SYT9: variants seen among roughly 807,000 people sequenced by gnomAD.
SYT9 encodes the protein synaptotagmin-9.
SYT9 carries 22 observed loss-of-function variants against 48.4 expected under a neutral mutation model. The ratio of observed to expected loss-of-function variants is 0.45; its 90% CI spans 0.32 to 0.65. The LOEUF is 0.65. Ranked by LOEUF, SYT9 falls within the 30% of genes least tolerant of loss-of-function variation. The pLI is 0.03. For synonymous variants in SYT9, 265 were observed against 245.0 expected (o/e 1.08, Z -0.76); for missense variants, 577 against 622.0 (o/e 0.93, Z 0.77).
At chr11:7,276,017 A>G (rs575612304) in intron 1 of SYT9, among the ~76,000 whole-genome samples, 2 of 152,192 alleles carry the variant, frequency 1.3e-5, no homozygotes, top group East Asian at 1.9e-4. Flanking sequence ...CTTGTTCACT[A>G]TTATGTTTGA....
chr11:7,385,628 C>A (rs527957710), intron 3 of SYT9, among the ~76,000 whole-genome samples: 2 of 152,032 alleles, frequency 1.3e-5, no homozygotes, highest in Admixed American at 6.6e-5. Flanking sequence ...AACAAACCTG[C>A]ACATGTACCC....
intron 3 of SYT9, among the ~76,000 whole-genome samples, chr11:7,405,209 A>G (rs1348460621): frequency 2.0e-5 from 3 of 152,146 alleles, no homozygotes; most frequent in Non-Finnish European, 4.4e-5. Flanking sequence ...GAGTTCCTCA[A>G]CCTTAGCACT....
intron 1 of SYT9, among the ~76,000 whole-genome samples, chr11:7,288,481 T>C (rs1249314629): frequency 1.3e-5 from 2 of 152,220 alleles, no homozygotes; most frequent in African/African-American, 2.4e-5. Flanking sequence ...CCTGATACAT[T>C]AGCACTGGAT....
intron 1 of SYT9, among the ~76,000 whole-genome samples, chr11:7,295,128 T>C (rs1848774333): frequency 6.6e-6 from 1 of 152,264 alleles, no homozygotes; most frequent in Non-Finnish European, 1.5e-5. Flanking sequence ...GTGGATAGAC[T>C]GAGAATTTTC....
chr11:7,243,321 G>A (rs1847758309), intron 1 of SYT9, among the ~76,000 whole-genome samples: 1 of 152,114 alleles, frequency 6.6e-6, no homozygotes, highest in South Asian at 2.1e-4. Flanking sequence ...TAATTGATTG[G>A]TTTTTGATTA....
intron 3 of SYT9, among the ~76,000 whole-genome samples, chr11:7,328,759 A>T (rs888462487): frequency 6.6e-6 from 1 of 152,010 alleles, no homozygotes; most frequent in Admixed American, 6.6e-5. Context: ...TTTTTGAGAA[A>T]TTCCTTCAGT....
chr11:7,383,690 A>C (rs1239468839), intron 3 of SYT9, among the ~76,000 whole-genome samples: 1 of 152,190 alleles, frequency 6.6e-6, no homozygotes, highest in Non-Finnish European at 1.5e-5. Context: ...CTTTTTATCA[A>C]CCTTATGCTG....
chr11:7,369,771 TAC>T (rs1850323266), intron 3 of SYT9, among the ~76,000 whole-genome samples: 1 of 113,508 alleles, frequency 8.8e-6, no homozygotes, highest in African/African-American at 3.5e-5. Context: ...TATTTCTACA[TAC>T]ACACCACACA....
chr11:7,296,628 G>A (rs764962779), intron 1 of SYT9, among the ~76,000 whole-genome samples: 26 of 152,162 alleles, frequency 1.7e-4, no homozygotes, highest in Non-Finnish European at 2.6e-4. Flanking sequence ...TTTTAGAGAA[G>A]TTTTAGTTTC....
chr11:7,393,623 G>A (rs1445278711), intron 3 of SYT9, among the ~76,000 whole-genome samples: 6 of 151,976 alleles, frequency 3.9e-5, no homozygotes, highest in African/African-American at 1.2e-4. Context: ...TTTCTAGAAT[G>A]AGCCTCCTTC....
At chr11:7,298,961 G>T (rs143678598) in intron 1 of SYT9, among the ~76,000 whole-genome samples, 373 of 152,206 alleles carry the variant, frequency 2.5e-3, no homozygotes, top group African/African-American at 8.2e-3. Flanking sequence ...GAACTGGTTT[G>T]CCATTTGCCT....
intron 3 of SYT9, among the ~76,000 whole-genome samples, chr11:7,376,383 T>C (rs955568406): frequency 1.4e-5 from 2 of 142,446 alleles, no homozygotes; most frequent in Non-Finnish European, 3.0e-5. Flanking sequence ...TCCCCTCCCC[T>C]CTCCTCTCCT....
chr11:7,458,262 C>T (rs965718162), intron 6 of SYT9, among the ~76,000 whole-genome samples: 6 of 152,310 alleles, frequency 3.9e-5, no homozygotes, highest in African/African-American at 1.4e-4. Context: ...GGGCGGATCA[C>T]CTGAGGTCAG....
chr11:7,464,271 AT>A (rs751056564), intron 6 of SYT9, among the ~76,000 whole-genome samples: 36 of 152,236 alleles, frequency 2.4e-4, no homozygotes, highest in Admixed American at 4.6e-4. Context: ...CACCTGCTGT[AT>A]GCTACTAGTT....
chr11:7,468,263 T>C lies in SYT9; in HGVS notation c.*1463T>C, dbSNP rs1564914412. 3 of 398,680 alleles carry C rather than the reference T, an allele frequency of 7.5e-6. No homozygotes were observed. Among genetic ancestry groups the C allele is most frequent in the Non-Finnish European group, 1.3e-5 (3 of 226,074 alleles). The allele number at this position is 398,680 out of a possible 1,614,324, so 24.7% of individuals were successfully genotyped here. ...TAACTGGGCGGAGGAAGGATCGTTA[T>C]ACGTCTTCAGAAAGTTCTCATTGCC... On this transcript the variant is annotated 3_prime_UTR_variant, in exon 7 of 7. Coordinates refer to ENST00000318881, the MANE Select transcript of SYT9 (RefSeq NM_175733.4).
chr11:7,394,043 G>A (rs1462628298), intron 3 of SYT9, among the ~76,000 whole-genome samples: 1 of 151,292 alleles, frequency 6.6e-6, no homozygotes, highest in African/African-American at 2.4e-5. Flanking sequence ...GATGTGCCAT[G>A]TTTGTGTGCT....
chr11:7,306,864 C>G (rs996918593), intron 2 of SYT9, among the ~76,000 whole-genome samples: 3 of 152,206 alleles, frequency 2.0e-5, no homozygotes, highest in African/African-American at 7.2e-5. Flanking sequence ...GTTCTGTGAG[C>G]TCAGAGACCA....
chr11:7,413,032 G>T (rs902305988), intron 3 of SYT9, among the ~76,000 whole-genome samples: 6 of 152,152 alleles, frequency 3.9e-5, no homozygotes, highest in Non-Finnish European at 7.4e-5. Flanking sequence ...ATATGTTCAG[G>T]CATGGCTATG....
intron 4 of SYT9, 54 bp from the exon 5 acceptor site, chr11:7,417,903 C>G (rs1461028830): frequency 4.7e-5 from 74 of 1,561,538 alleles, no homozygotes; most frequent in Non-Finnish European, 6.1e-5. Flanking sequence ...TATAACTGCC[C>G]ACCTAAATCT....
Sources: gnomAD v4.1 joint callset for allele counts (sites outside exome capture counted in the v4.1 genomes callset) on GRCh38, gnomAD v4.1.1 for gene constraint, MANE v1.5 for transcripts, NCBI Gene and HGNC (gene_info 2026-07-23, HGNC 2026-07-21) for gene names.